The following DIAPH3 variants were observed in gnomAD, a reference collection of about 807,000 sequenced individuals.
The protein encoded by DIAPH3 is diaphanous related formin 3, also known as protein diaphanous homolog 3.
A neutral mutation model predicts 144.3 loss-of-function variants in DIAPH3; 117 were observed. The observed-to-expected ratio is 0.81, with a 90% CI of 0.70 to 0.95. DIAPH3 has a LOEUF of 0.95. Among genes scored for constraint, DIAPH3 ranks in the 40% least tolerant of loss-of-function variants. The pLI is 0.00. For missense variants in DIAPH3, 1,421 were observed against 1,412.7 expected (o/e 1.01, Z -0.09); for synonymous variants, 519 against 488.9 (o/e 1.06, Z -0.81).
rs556525884 is a variant in DIAPH3 at position 60,094,175 on chromosome 13, A to G, written c.391-443T>C. ...TAAACCAACCAATTTTCAGATTCTGATAGCCACATCAAATATCCAGTACTG... is the reference window on the plus strand; with the variant it reads ...TAAACCAACCAATTTTCAGATTCTGGTAGCCACATCAAATATCCAGTACTG... On this transcript the variant is annotated intron_variant, in intron 3 of 27. Coordinates refer to ENST00000400324, the MANE Select transcript of DIAPH3 (RefSeq NM_001042517.2). Among the ~76,000 whole-genome samples, 3 of 152,336 alleles carry G rather than the reference A, an allele frequency of 2.0e-5. No individual in the cohort carries two copies. In the South Asian group the frequency reaches 6.2e-4, roughly 32 times the overall value.
At chr13:60,073,854 G>C (rs1043044515) in intron 4 of DIAPH3, among the ~76,000 whole-genome samples, 10 of 152,282 alleles carry the variant, frequency 6.6e-5, no homozygotes, top group Admixed American at 2.6e-4. Context: ...CAAACAGCAT[G>C]CTATTAGCTC....
chr13:59,689,790 A>AGTGTGTGTGTGTGTGTGT (rs57544810), intron 27 of DIAPH3, among the ~76,000 whole-genome samples: 1 of 149,872 alleles, frequency 6.7e-6, no homozygotes, highest in Non-Finnish European at 1.5e-5. Flanking sequence ...TGTATTAAGC[A>AGTGTGTGTGTGTGTGTGT]GTGTGTGTGT....
At position 59,999,304 on chromosome 13, in the gene DIAPH3, TA is replaced by T. The variant is rs1375225028; in HGVS notation, c.1015-6722del. Among the ~76,000 whole-genome samples, 3 of 152,188 alleles carry T rather than the reference TA, an allele frequency of 2.0e-5. No homozygotes were observed. The East Asian group carries it at 5.8e-4, about 29-fold the overall frequency. On this transcript the variant is annotated intron_variant, in intron 9 of 27. Transcript: ENST00000400324. ...TTTAATGAAACTATTTATATAATGA[TA>T]AAAAGTTATCCTTTTTAATTTATAA...
At chr13:59,714,742 G>T (rs959772815) in intron 27 of DIAPH3, among the ~76,000 whole-genome samples, 6 of 151,946 alleles carry the variant, frequency 3.9e-5, no homozygotes, top group African/African-American at 1.5e-4. Context: ...TGTATTTATT[G>T]TCTCACTTAA....
chr13:59,679,475 T>C (rs1299317890), intron 27 of DIAPH3, among the ~76,000 whole-genome samples: 1 of 152,164 alleles, frequency 6.6e-6, no homozygotes, highest in Non-Finnish European at 1.5e-5. Flanking sequence ...CTTTGGGCTT[T>C]GGAGCACCTC....
intron 4 of DIAPH3, among the ~76,000 whole-genome samples, chr13:60,053,060 T>C (rs2056419571): frequency 6.6e-6 from 1 of 151,294 alleles, no homozygotes; most frequent in South Asian, 2.1e-4. Flanking sequence ...GAGACTATTT[T>C]TCAACACAAT....
chr13:59,935,438 C>T (rs1221633828), intron 17 of DIAPH3, among the ~76,000 whole-genome samples: 1 of 151,986 alleles, frequency 6.6e-6, no homozygotes, highest in Non-Finnish European at 1.5e-5. Flanking sequence ...GGAGAATAGG[C>T]AAACGACTGA....
At chr13:60,028,096 AAT>A (rs2054511536) in intron 5 of DIAPH3, among the ~76,000 whole-genome samples, 11 of 152,262 alleles carry the variant, frequency 7.2e-5, no homozygotes, top group African/African-American at 2.6e-4. Context: ...TTTCAAGGCC[AAT>A]TCACATTTCC....
At chr13:59,703,386 T>C (rs1022846034) in intron 27 of DIAPH3, among the ~76,000 whole-genome samples, 5 of 152,242 alleles carry the variant, frequency 3.3e-5, no homozygotes, top group African/African-American at 1.2e-4. Context: ...TATCGGACAA[T>C]GCAGTGTTAA....
chr13:59,671,209 C>A (rs1382008694), intron 27 of DIAPH3, among the ~76,000 whole-genome samples: 3 of 152,184 alleles, frequency 2.0e-5, no homozygotes, highest in Non-Finnish European at 2.9e-5. Context: ...AAACTCTATA[C>A]TCTACCAGGT....
chr13:59,896,239 G>A (rs940653585), intron 20 of DIAPH3, among the ~76,000 whole-genome samples: 6 of 152,176 alleles, frequency 3.9e-5, no homozygotes, highest in East Asian at 3.9e-4. Context: ...TCATATACAT[G>A]TATATAAACA....
intron 17 of DIAPH3, among the ~76,000 whole-genome samples, chr13:59,940,506 A>C (rs774350409): frequency 6.6e-6 from 1 of 152,230 alleles, no homozygotes; most frequent in Admixed American, 6.5e-5. Flanking sequence ...ACTCTGGCTC[A>C]TGTCAAAATT....
intron 27 of DIAPH3, among the ~76,000 whole-genome samples, chr13:59,762,050 A>ACCTTTT (rs1389648314): frequency 1.7e-5 from 2 of 118,990 alleles, no homozygotes; most frequent in African/African-American, 3.0e-5. Flanking sequence ...AAGCGTCAGC[A>ACCTTTT]TCTTTTTTTT....
chr13:60,093,154 A>T (rs1471769633), intron 4 of DIAPH3, among the ~76,000 whole-genome samples: 2 of 152,220 alleles, frequency 1.3e-5, no homozygotes, highest in African/African-American at 4.8e-5. Flanking sequence ...ATTGGCAGCC[A>T]TGTAGAGGCC....
rs533681846 is a variant in DIAPH3 at position 59,700,479 on chromosome 13, A to G, written c.3320-33633T>C. On this transcript the variant is annotated intron_variant, in intron 27 of 27. Transcript: ENST00000400324. ...TGTGGCAGAGAGAGAGAGCTCACCA[A>G]ATATTCTACGTACTTTCTTTCATTT... Among the ~76,000 whole-genome samples, 20 of 152,334 alleles carry G rather than the reference A, an allele frequency of 1.3e-4. No individual in the cohort carries two copies. The South Asian group carries it at 3.3e-3, about 25-fold the overall frequency.
intron 24 of DIAPH3, among the ~76,000 whole-genome samples, chr13:59,831,878 T>C (rs2041798641): frequency 6.6e-6 from 1 of 151,884 alleles, no homozygotes; most frequent in Non-Finnish European, 1.5e-5. Context: ...ATGATAAACA[T>C]TAAATATATA....
intron 20 of DIAPH3, among the ~76,000 whole-genome samples, chr13:59,899,930 T>C (rs147446474): frequency 6.6e-6 from 1 of 152,354 alleles, no homozygotes; most frequent in East Asian, 1.9e-4. Context: ...ATTCTGATCA[T>C]GCTGGGTTTT....
chr13:59,890,473 T>A (rs1490862486), intron 20 of DIAPH3, among the ~76,000 whole-genome samples: 1 of 152,086 alleles, frequency 6.6e-6, no homozygotes, highest in Non-Finnish European at 1.5e-5. Context: ...TTTATCACCG[T>A]TAGCAGTTTA....
intron 21 of DIAPH3, among the ~76,000 whole-genome samples, chr13:59,875,498 G>A (rs530840491): frequency 1.1e-3 from 162 of 151,750 alleles, no homozygotes; most frequent in Admixed American, 2.1e-3. Context: ...GGGGGAGAGG[G>A]GAAGAGAGGA....
Sources: allele counts gnomAD v4.1 joint callset (sites outside exome capture counted in the v4.1 genomes callset), GRCh38; gene constraint gnomAD v4.1.1; transcripts MANE v1.5; gene names NCBI Gene and HGNC (gene_info 2026-07-23, HGNC 2026-07-21).